DPY19L1: variants seen among roughly 807,000 people sequenced by gnomAD.
DPY19L1 encodes dpy-19 like C-mannosyltransferase 1.
Under a neutral mutation model 96.9 loss-of-function variants are expected in DPY19L1, and 35 were observed. That is an observed-to-expected ratio of 0.36 (90% CI 0.28 to 0.48). The LOEUF is 0.48. DPY19L1 is among the 20% of genes least tolerant of loss of function. DPY19L1 has a pLI of 0.99. For missense variants in DPY19L1, 521 were observed against 777.9 expected (o/e 0.67, Z 3.93); for synonymous variants, 205 against 252.6 (o/e 0.81, Z 1.79).
intron 11 of DPY19L1, 76 bp downstream of exon 11, chr7:34,957,908 A>G (rs1180008831): frequency 1.3e-5 from 12 of 929,010 alleles, no homozygotes; most frequent in Non-Finnish European, 2.0e-5. Context: ...ACCCTGATGA[A>G]TCCTAAGCCA....
chr7:34,984,085 C>A (rs1238056307), intron 7 of DPY19L1, among the ~76,000 whole-genome samples: 2 of 152,098 alleles, frequency 1.3e-5, no homozygotes, highest in Non-Finnish European at 2.9e-5. Flanking sequence ...ACCTATAATT[C>A]TTATTAAGCA....
At chr7:34,949,663 T>C in intron 14 of DPY19L1, 134 bp downstream of exon 14, 1 of 602,184 alleles carries the variant, frequency 1.7e-6, no homozygotes, top group Non-Finnish European at 2.9e-6. Flanking sequence ...AAAATCTTCC[T>C]CTAAGCTGCC....
At chr7:35,019,085 G>A (rs1785928723) in intron 1 of DPY19L1, among the ~76,000 whole-genome samples, 1 of 152,126 alleles carries the variant, frequency 6.6e-6, no homozygotes, top group South Asian at 2.1e-4. Context: ...GAAAAGGTAA[G>A]AGAGAGAAAA....
At chr7:35,009,396 CAT>C (rs1253335660) in intron 6 of DPY19L1, among the ~76,000 whole-genome samples, 1 of 152,102 alleles carries the variant, frequency 6.6e-6, no homozygotes, top group Admixed American at 6.5e-5. Context: ...ATACTTCAAA[CAT>C]ATATACAGAA....
intron 14 of DPY19L1, among the ~76,000 whole-genome samples, chr7:34,949,261 AC>A (rs1784218985): frequency 2.0e-5 from 3 of 152,218 alleles, no homozygotes; most frequent in Non-Finnish European, 2.9e-5. Flanking sequence ...ATGGCATGCT[AC>A]TAGAAACTAG....
chr7:34,936,188 T>C (rs1233493659), intron 21 of DPY19L1, among the ~76,000 whole-genome samples: 1 of 152,222 alleles, frequency 6.6e-6, no homozygotes, highest in African/African-American at 2.4e-5. Flanking sequence ...TTTTGTTTAG[T>C]GTGCAAAGTT....
chr7:34,966,390 T>G (rs1422957924), intron 10 of DPY19L1, among the ~76,000 whole-genome samples: 1 of 152,114 alleles, frequency 6.6e-6, no homozygotes, highest in East Asian at 1.9e-4. Flanking sequence ...CTCAACCTCC[T>G]GGGCTAATGT....
intron 6 of DPY19L1, among the ~76,000 whole-genome samples, chr7:34,992,542 C>A (rs1156763761): frequency 8.2e-6 from 1 of 121,314 alleles, no homozygotes; most frequent in Non-Finnish European, 1.7e-5. Context: ...AACCTTCCTG[C>A]CTTTTTTTTT....
In DPY19L1 at chr7:34,943,680, C is replaced by A. The variant is rs577396743; in HGVS notation, c.1545-1041G>T. Among the ~76,000 whole-genome samples the A allele has an allele frequency of 3.0e-4, 45 of 152,310 alleles. 3 individuals are homozygous for A. Among genetic ancestry groups the A allele is most frequent in the East Asian group, 2.7e-3 (14 of 5,176 alleles). On this transcript the variant is annotated intron_variant, in intron 16 of 21. Coordinates refer to ENST00000638088, the MANE Select transcript of DPY19L1 (RefSeq NM_001366673.1). ...AGAGCTCTGATCCTATTTGAACTGACAACTCCATGAAGCTCAATGGTTTCC... is the reference window on the plus strand; with the variant it reads ...AGAGCTCTGATCCTATTTGAACTGAAAACTCCATGAAGCTCAATGGTTTCC...
intron 10 of DPY19L1, among the ~76,000 whole-genome samples, chr7:34,959,921 A>ATATATAAATATATATATT (rs1562806961): frequency 3.6e-3 from 50 of 13,930 alleles, no homozygotes; most frequent in Non-Finnish European, 7.1e-3. Context: ...ATATATATAT[A>ATATATAAATATATATATT]TATTTATATA....
chr7:35,018,813 C>T (rs1785922028), intron 1 of DPY19L1, among the ~76,000 whole-genome samples: 1 of 151,948 alleles, frequency 6.6e-6, no homozygotes, highest in South Asian at 2.1e-4. Flanking sequence ...ACTCATTCAA[C>T]AAAATATATG....
At chr7:34,966,293 A>G (rs1784606612) in intron 10 of DPY19L1, among the ~76,000 whole-genome samples, 1 of 151,984 alleles carries the variant, frequency 6.6e-6, no homozygotes, top group African/African-American at 2.4e-5. Flanking sequence ...CGCTCAGTTA[A>G]TGAACTTTTT....
At chr7:34,997,166 T>C (rs3899297) in intron 6 of DPY19L1, among the ~76,000 whole-genome samples, 1 of 152,094 alleles carries the variant, frequency 6.6e-6, no homozygotes, top group African/African-American at 2.4e-5. Flanking sequence ...GATGCCAATA[T>C]TGCCAACCAA....
intron 1 of DPY19L1, among the ~76,000 whole-genome samples, chr7:35,018,838 G>A (rs540592302): frequency 5.3e-5 from 8 of 152,178 alleles, no homozygotes; most frequent in East Asian, 1.9e-4. Flanking sequence ...CCTAATATCC[G>A]CTAATAGACA....
At chr7:34,932,786 A>C (rs1783783424) in intron 21 of DPY19L1, among the ~76,000 whole-genome samples, 2 of 152,216 alleles carry the variant, frequency 1.3e-5, no homozygotes, top group Non-Finnish European at 2.9e-5. Context: ...CCTTTTGAGG[A>C]ATTTTAAAAA....
At chr7:35,020,893 G>C (rs1266878474) in intron 1 of DPY19L1, among the ~76,000 whole-genome samples, 1 of 152,068 alleles carries the variant, frequency 6.6e-6, no homozygotes, top group Non-Finnish European at 1.5e-5. Flanking sequence ...ATTTTCAGGA[G>C]AGATAAGGTT....
chr7:34,967,037 A>T (rs1389530243), intron 9 of DPY19L1, 66 bp from the exon 10 acceptor site: 1 of 1,245,630 alleles, frequency 8.0e-7, no homozygotes, highest in African/African-American at 1.6e-5. Flanking sequence ...TGAAGAATAT[A>T]TTTACTGTTG....
At chr7:34,992,564 A>C (rs1785195555) in intron 6 of DPY19L1, among the ~76,000 whole-genome samples, 1 of 139,496 alleles carries the variant, frequency 7.2e-6, no homozygotes. Flanking sequence ...TTTTTTTTCC[A>C]GAGACTGGGT....
At chr7:35,003,291 G>A (rs142433663) in intron 6 of DPY19L1, among the ~76,000 whole-genome samples, 18 of 152,302 alleles carry the variant, frequency 1.2e-4, no homozygotes, top group African/African-American at 3.6e-4. Context: ...CAACAGGGGA[G>A]AGCAGTCAAG....
Sources: gnomAD v4.1 joint callset for allele counts (sites outside exome capture counted in the v4.1 genomes callset) on GRCh38, gnomAD v4.1.1 for gene constraint, MANE v1.5 for transcripts, NCBI Gene and HGNC (gene_info 2026-07-23, HGNC 2026-07-21) for gene names.